ACSM5: variants seen among roughly 807,000 people sequenced by gnomAD.
The protein encoded by ACSM5 is acyl-coenzyme A synthetase ACSM5, mitochondrial.
In ACSM5, 56 loss-of-function variants were observed where a neutral mutation model predicts 71.6. The ratio of observed to expected loss-of-function variants is 0.78; its 90% CI spans 0.63 to 0.98. The LOEUF is 0.98. Ranked by LOEUF, ACSM5 falls within the 50% of genes least tolerant of loss-of-function variation. The probability of loss-of-function intolerance (pLI) is 0.00; values close to 1 mark genes in which losing one functional copy is unlikely to be tolerated. For synonymous variants in ACSM5, 285 were observed against 281.5 expected (o/e 1.01, Z -0.12); for missense variants, 723 against 726.0 (o/e 1.00, Z 0.05).
chr16:20,434,292 A>C (rs572189475), intron 10 of ACSM5, among the ~76,000 whole-genome samples: 6 of 152,340 alleles, frequency 3.9e-5, no homozygotes, highest in African/African-American at 1.2e-4. Context: ...TGATGTATGC[A>C]TGATATGAGA....
Position 20,416,237 on chromosome 16 carries a change from A to T in ACSM5, c.205-1822A>T, listed in dbSNP as rs531035940. ...TTACAGAAATAGACAACCTGATTCAAAAACTCGTATGGAAATGCAAGGGAC... is the reference window on the plus strand; with the variant it reads ...TTACAGAAATAGACAACCTGATTCATAAACTCGTATGGAAATGCAAGGGAC... On this transcript the variant is annotated intron_variant, in intron 2 of 13. Coordinates refer to ENST00000331849, the MANE Select transcript of ACSM5 (RefSeq NM_017888.3). Among the ~76,000 whole-genome samples the T allele has an allele frequency of 2.6e-5, 4 of 152,074 alleles. No homozygotes were observed. The South Asian group carries it at 8.3e-4, about 32-fold the overall frequency.
chr16:20,419,546 C>T (rs915908270), intron 4 of ACSM5, 111 bp downstream of exon 4: 1 of 1,078,142 alleles, frequency 9.3e-7, no homozygotes, highest in African/African-American at 1.6e-5. Flanking sequence ...CAGAGAGGAG[C>T]ACTCCCATTG....
At chr16:20,430,502 T>C (rs994514874) in intron 8 of ACSM5, among the ~76,000 whole-genome samples, 1 of 144,782 alleles carries the variant, frequency 6.9e-6, no homozygotes, top group African/African-American at 2.6e-5. Flanking sequence ...TTGTTAACTA[T>C]GGAAAGAAAA....
At chr16:20,413,833 G>T (rs888836315) in intron 2 of ACSM5, among the ~76,000 whole-genome samples, 4 of 152,126 alleles carry the variant, frequency 2.6e-5, no homozygotes, top group African/African-American at 9.7e-5. Context: ...CTAAAGGTGT[G>T]CCCCAACACC....
At position 20,424,859 on chromosome 16, in the gene ACSM5, A is replaced by G. The variant is rs561367120; in HGVS notation, c.921+790A>G. Among the ~76,000 whole-genome samples, 112 of 152,304 alleles carry G rather than the reference A, an allele frequency of 7.4e-4. 1 individual carries two copies. The highest frequency in any genetic ancestry group is 2.4e-3 in the African/African-American group (100 of 41,566). ...AGGTTCTTTTTTGAAATAATTTTTA[A>G]TTTTTGTGGATACATAGTAGGTGTA... is the stretch of plus-strand genomic sequence containing the variant. On this transcript the variant is annotated intron_variant, in intron 6 of 13. Coordinates refer to ENST00000331849, the MANE Select transcript of ACSM5 (RefSeq NM_017888.3).
intron 6 of ACSM5, among the ~76,000 whole-genome samples, chr16:20,424,453 C>T (rs992060211): frequency 5.9e-5 from 9 of 152,132 alleles, no homozygotes; most frequent in African/African-American, 2.2e-4. Flanking sequence ...ACTAGAGAGT[C>T]CTGGTGACTC....
At chr16:20,418,330 G>C (rs1005878456) in intron 3 of ACSM5, 61 bp downstream of exon 3, 6 of 1,505,980 alleles carry the variant, frequency 4.0e-6, no homozygotes, top group Non-Finnish European at 5.4e-6. Flanking sequence ...GAGCTTTGCA[G>C]TGTCCACAGG....
At chr16:20,435,248 G>A (rs1047324610) in intron 10 of ACSM5, among the ~76,000 whole-genome samples, 4 of 152,158 alleles carry the variant, frequency 2.6e-5, no homozygotes, top group African/African-American at 9.7e-5. Flanking sequence ...GGCCAGGCTG[G>A]TCTTGAACTT....
chr16:20,436,425 C>T (rs189522804), intron 10 of ACSM5, among the ~76,000 whole-genome samples: 1 of 152,260 alleles, frequency 6.6e-6, no homozygotes, highest in African/African-American at 2.4e-5. Context: ...GGCTGGAGTG[C>T]AGTGGCACAA....
At position 20,440,833 on chromosome 16, in the gene ACSM5, T is replaced by G. The variant is rs1160673057; in HGVS notation, c.*406T>G. 6.3e-6 allele frequency: 1 copy of G among 159,328 alleles called. No individual in the cohort carries two copies. Among genetic ancestry groups the G allele is most frequent in the Non-Finnish European group, 1.4e-5 (1 of 72,348 alleles). The allele number at this position is 159,328 out of a possible 1,614,324, so 9.9% of individuals were successfully genotyped here. A position where few individuals can be genotyped will look rare whatever the true frequency, so the allele number is the denominator to read the frequency against. ...TGTATGTAACCATTTGGCAAAAGTATGCAGGAACATAAAATAAAATATCCT... is the reference window on the plus strand; with the variant it reads ...TGTATGTAACCATTTGGCAAAAGTAGGCAGGAACATAAAATAAAATATCCT... On this transcript the variant is annotated 3_prime_UTR_variant, in exon 14 of 14. Coordinates refer to ENST00000331849, the MANE Select transcript of ACSM5 (RefSeq NM_017888.3).
intron 10 of ACSM5, among the ~76,000 whole-genome samples, chr16:20,434,604 G>T (rs1203891435): frequency 6.6e-6 from 1 of 152,198 alleles, no homozygotes; most frequent in Non-Finnish European, 1.5e-5. Context: ...TGAGACAGGA[G>T]AATTGCTTGA....
chr16:20,423,918 G>A lies in ACSM5; in HGVS notation c.770G>A (p.Arg257Gln), dbSNP rs374421448. The change falls in exon 6 of 14, where the codon CGG becomes CAG. Residue 257 changes from arginine to glutamine, a missense_variant and splice_region_variant. Physicochemically the swap from Arg to Gln is conservative, Grantham distance 43 (BLOSUM62 1). Coordinates refer to ENST00000331849, the MANE Select transcript of ACSM5 (RefSeq NM_017888.3). ...TGACGTTCTCTAATTTTTGGCAGAC[G>A]GTGGGTGGCCTTGACCGAATCTGAC... ...YGLGFVASGR[R>Q]WVALTESDIF... The A allele has an allele frequency of 1.9e-5, 30 of 1,613,740 alleles. No individual in the cohort carries two copies. In the East Asian group the frequency reaches 2.0e-4, roughly 11 times the overall value.
chr16:20,434,380 G>A (rs1967154916), intron 10 of ACSM5, among the ~76,000 whole-genome samples: 1 of 152,082 alleles, frequency 6.6e-6, no homozygotes, highest in Non-Finnish European at 1.5e-5. Context: ...TATCTGTCAT[G>A]CTAATTTTGT....
intron 10 of ACSM5, among the ~76,000 whole-genome samples, chr16:20,435,898 C>A (rs1459292891): frequency 6.6e-6 from 1 of 151,796 alleles, no homozygotes; most frequent in Non-Finnish European, 1.5e-5. Context: ...TTTGGTGAGC[C>A]CTTCTCCCAC....
chr16:20,435,900 T>G (rs893429968), intron 10 of ACSM5, among the ~76,000 whole-genome samples: 3 of 151,786 alleles, frequency 2.0e-5, no homozygotes, highest in African/African-American at 7.2e-5. Flanking sequence ...TGGTGAGCCC[T>G]TCTCCCACCC....
At chr16:20,428,236 G>C (rs1596619575) in intron 7 of ACSM5, among the ~76,000 whole-genome samples, 1 of 152,334 alleles carries the variant, frequency 6.6e-6, no homozygotes, top group East Asian at 1.9e-4. Flanking sequence ...ACTTCTGTGA[G>C]GCGAGAGAAA....
chr16:20,418,072 C>A lies in ACSM5; in HGVS notation c.218C>A (p.Pro73His). ...ACCACCATCTAGGCTGGACACCGCC[C>A]CCCAAATCCTGCCTTCTGGTGGGTC... ...WSRLEEAGHR[P>H]PNPAFWWVNG... The change falls in exon 3 of 14, where the codon CCC becomes CAC. Residue 73 changes from proline to histidine, a missense_variant. Pro to His is a moderately conservative substitution (Grantham distance 77, BLOSUM62 -2). Coordinates refer to ENST00000331849, the MANE Select transcript of ACSM5 (RefSeq NM_017888.3). 6.2e-7 allele frequency: 1 copy of A among 1,613,706 alleles called. No individual in the cohort carries two copies. Among genetic ancestry groups the A allele is most frequent in the Middle Eastern group, 1.7e-4 (1 of 5,832 alleles).
chr16:20,436,240 A>ACTCTCCTCTCCCCTC (rs1967196352), intron 10 of ACSM5, among the ~76,000 whole-genome samples: 1 of 32,164 alleles, frequency 3.1e-5, no homozygotes, highest in Non-Finnish European at 6.3e-5. Flanking sequence ...TTCCCTCCCC[A>ACTCTCCTCTCCCCTC]CTCTCCTCTC....
At chr16:20,438,999 A>G in intron 12 of ACSM5, among the ~76,000 whole-genome samples, 1 of 145,664 alleles carries the variant, frequency 6.9e-6, no homozygotes, top group African/African-American at 2.6e-5. Flanking sequence ...AATGTTTCGT[A>G]GTTACAGTAG....
Sources: gnomAD v4.1 joint callset for allele counts (sites outside exome capture counted in the v4.1 genomes callset) on GRCh38, gnomAD v4.1.1 for gene constraint, MANE v1.5 for transcripts, NCBI Gene and HGNC (gene_info 2026-07-23, HGNC 2026-07-21) for gene names.